The following ALK variants were observed in gnomAD, a reference collection of about 807,000 sequenced individuals.
ALK encodes ALK receptor tyrosine kinase.
Under a neutral mutation model 163.1 loss-of-function variants are expected in ALK, and 74 were observed. The ratio of observed to expected loss-of-function variants is 0.45; its 90% confidence interval spans 0.38 to 0.55. The LOEUF is 0.55. Among genes scored for constraint, ALK ranks in the 20% least tolerant of loss-of-function variants. ALK has a pLI of 0.00. For synonymous variants in ALK, 960 were observed against 843.2 expected, an observed-to-expected ratio of 1.14 and a Z score of -2.40; for missense variants, 2,063 against 2,105.3, an observed-to-expected ratio of 0.98 and a Z score of 0.39.
chr2:29,514,697 G>T (rs986091838), intron 4 of ALK, among the ~76,000 whole-genome samples: 5 of 152,132 alleles, frequency 3.3e-5, no homozygotes, highest in Non-Finnish European at 7.4e-5. Context: ...TTGGTGAATG[G>T]CTCTGTCTAC....
intron 1 of ALK, among the ~76,000 whole-genome samples, chr2:29,795,076 A>G (rs77596304): frequency 0.068 from 10,352 of 152,184 alleles, 1,219 homozygotes; most frequent in African/African-American, 0.24. Flanking sequence ...AATTTACAAC[A>G]AACGTAGTAG....
intron 1 of ALK, among the ~76,000 whole-genome samples, chr2:29,806,512 G>T (rs1409019651): frequency 6.6e-6 from 1 of 152,152 alleles, no homozygotes; most frequent in African/African-American, 2.4e-5. Context: ...AAACACAAAG[G>T]TAACTAAAAT....
chr2:29,642,333 C>T (rs964715341), intron 3 of ALK, among the ~76,000 whole-genome samples: 2 of 152,188 alleles, frequency 1.3e-5, no homozygotes, highest in Non-Finnish European at 2.9e-5. Context: ...AACTCAGTGG[C>T]TGAGCTTTGA....
At chr2:29,583,218 A>G (rs1192019017) in intron 3 of ALK, among the ~76,000 whole-genome samples, 1 of 151,904 alleles carries the variant, frequency 6.6e-6, no homozygotes, top group Non-Finnish European at 1.5e-5. Context: ...TGTTCCTTCC[A>G]CTACACTTTG....
At chr2:29,704,972 C>A (rs1202927038) in intron 2 of ALK, among the ~76,000 whole-genome samples, 2 of 151,874 alleles carry the variant, frequency 1.3e-5, no homozygotes, top group African/African-American at 2.4e-5. Flanking sequence ...AATCCCAGCA[C>A]TTTGGGAGGC....
intron 3 of ALK, among the ~76,000 whole-genome samples, chr2:29,674,353 A>C (rs1051775455): frequency 6.6e-6 from 1 of 151,514 alleles, no homozygotes; most frequent in African/African-American, 2.4e-5. Flanking sequence ...CGTCCCATCA[A>C]TACCTAATTT....
rs543630187 is a variant in ALK, at chr2:29,575,351, G to A, written c.953-43235C>T. Among the ~76,000 whole-genome samples, 177 of 152,304 alleles carry A rather than the reference G, an allele frequency of 1.2e-3. 1 individual carries two copies. Among genetic ancestry groups the A allele is most frequent in the African/African-American group, 4.0e-3 (168 of 41,562 alleles). Reference sequence around the variant, plus strand: ...TGGAAAGCTGCGAATGTTTTCACCAGGTTTCATCTGTTTTTATTCTCTTTA... The same window carrying A: ...TGGAAAGCTGCGAATGTTTTCACCAAGTTTCATCTGTTTTTATTCTCTTTA... On this transcript the variant is annotated intron_variant, in intron 3 of 28. Transcript: ENST00000389048.
At chr2:29,617,902 T>C (rs1675901553) in intron 3 of ALK, among the ~76,000 whole-genome samples, 1 of 152,212 alleles carries the variant, frequency 6.6e-6, no homozygotes, top group Non-Finnish European at 1.5e-5. Context: ...ACCTAGTTCC[T>C]GGTTGGGAAG....
intron 3 of ALK, among the ~76,000 whole-genome samples, chr2:29,576,715 C>T (rs1035935893): frequency 4.6e-5 from 7 of 152,134 alleles, no homozygotes; most frequent in South Asian, 2.1e-4. Context: ...CTCACATCAC[C>T]GCCTGAGCTC....
At chr2:29,543,478 A>G (rs1433296544) in intron 3 of ALK, among the ~76,000 whole-genome samples, 1 of 152,196 alleles carries the variant, frequency 6.6e-6, no homozygotes, top group African/African-American at 2.4e-5. Flanking sequence ...CACCCTGAGT[A>G]TGAACACTCC....
intron 13 of ALK, among the ~76,000 whole-genome samples, chr2:29,236,443 C>A (rs13423991): frequency 0.12 from 18,904 of 152,158 alleles, 1,643 homozygotes; most frequent in African/African-American, 0.24. Context: ...GAGCCAATTT[C>A]TTTAACCAAT....
At chr2:29,230,386 C>T (rs2339380) in intron 15 of ALK, among the ~76,000 whole-genome samples, 123,235 of 151,744 alleles carry the variant, frequency 0.81, 51,495 homozygotes, top group Non-Finnish European at 0.91. Flanking sequence ...TCTAAAAACC[C>T]TAAAACCCTT....
chr2:29,778,638 G>C (rs1337081519), intron 1 of ALK, among the ~76,000 whole-genome samples: 1 of 152,188 alleles, frequency 6.6e-6, no homozygotes, highest in Non-Finnish European at 1.5e-5. Context: ...CTGTGCAGTG[G>C]CTGCTATCTG....
intron 4 of ALK, among the ~76,000 whole-genome samples, chr2:29,496,333 A>G (rs958962763): frequency 1.3e-5 from 2 of 152,202 alleles, no homozygotes; most frequent in Non-Finnish European, 2.9e-5. Flanking sequence ...TCACTTTTTC[A>G]TCAGGCAGTG....
At chr2:29,858,376 C>T (rs1291997239) in intron 1 of ALK, among the ~76,000 whole-genome samples, 2 of 152,034 alleles carry the variant, frequency 1.3e-5, no homozygotes, top group Admixed American at 6.5e-5. Context: ...AACTGAGACA[C>T]AAAAGTGGAA....
chr2:29,347,526 G>A (rs917630152), intron 5 of ALK, among the ~76,000 whole-genome samples: 2 of 152,328 alleles, frequency 1.3e-5, no homozygotes, highest in East Asian at 1.9e-4. Flanking sequence ...CTCTTTCATA[G>A]AGGACATAGG....
At chr2:29,456,575 T>C (rs759767074) in intron 4 of ALK, among the ~76,000 whole-genome samples, 6 of 152,174 alleles carry the variant, frequency 3.9e-5, no homozygotes, top group Non-Finnish European at 5.9e-5. Flanking sequence ...TGAGGACTTA[T>C]TGCTCAACTG....
intron 4 of ALK, among the ~76,000 whole-genome samples, chr2:29,465,084 C>A (rs1184749846): frequency 1.3e-5 from 2 of 152,130 alleles, no homozygotes; most frequent in Non-Finnish European, 2.9e-5. Context: ...GCTTAACAAA[C>A]CCCAATCTGA....
Position 29,711,642 on chromosome 2 carries a change from G to T in ALK, c.787+5936C>A, listed in dbSNP as rs1157648587. ...GCAGGCAGGGTGGGGGTTGTGGGAG[G>T]GCCTCTGAAGGGGGAAGTCAAGACT... is the stretch of plus-strand genomic sequence containing the variant. On this transcript the variant is annotated intron_variant, in intron 2 of 28. Transcript: ENST00000389048. Among the ~76,000 whole-genome samples, 7 of 152,120 alleles carry T rather than the reference G, an allele frequency of 4.6e-5. No homozygotes were observed. The East Asian group carries it at 1.4e-3, about 29-fold the overall frequency.
Sources: allele counts gnomAD v4.1 joint callset (sites outside exome capture counted in the v4.1 genomes callset), GRCh38; gene constraint gnomAD v4.1.1; transcripts MANE v1.5; gene names NCBI Gene and HGNC (gene_info 2026-07-23, HGNC 2026-07-21).